Variants in AKAP13 observed in about 807,000 individuals in gnomAD.
AKAP13 encodes the protein A-kinase anchor protein 13.
In AKAP13, 80 loss-of-function variants were observed where a neutral mutation model predicts 264.5. The ratio of observed to expected loss-of-function variants is 0.30; its 90% CI spans 0.25 to 0.36. AKAP13 has a LOEUF of 0.36. Ranked by LOEUF, AKAP13 falls within the 10% of genes least tolerant of loss-of-function variation. AKAP13 has a pLI of 1.00. For synonymous variants in AKAP13, 1,380 were observed against 1,250.2 expected (o/e 1.10, Z -2.19); for missense variants, 3,712 against 3,435.2 (o/e 1.08, Z -2.01).
intron 26 of AKAP13, among the ~76,000 whole-genome samples, chr15:85,723,717 C>A (rs1282695094): frequency 6.6e-6 from 1 of 152,202 alleles, no homozygotes; most frequent in African/African-American, 2.4e-5. Flanking sequence ...GCGAGTTTCA[C>A]AGAATCTGTG....
intron 1 of AKAP13, among the ~76,000 whole-genome samples, chr15:85,407,093 A>G (rs1052018987): frequency 2.0e-4 from 30 of 151,836 alleles, no homozygotes; most frequent in African/African-American, 6.3e-4. Flanking sequence ...ACCAGCCACT[A>G]GGAATGCAAA....
rs1462022085 is a variant in AKAP13, at chr15:85,521,497, G to T, written c.103G>T (p.Val35Leu). The T allele has an allele frequency of 1.2e-6, 2 of 1,614,126 alleles. No individual in the cohort carries two copies. The highest frequency in any genetic ancestry group is 3.3e-5 in the Admixed American group (2 of 60,008). The change falls in exon 3 of 37, where the codon GTA becomes TTA. Residue 35 changes from valine to leucine, a missense_variant. By Grantham distance (32) the Val-to-Leu change is conservative. Transcript: ENST00000394518. ...TGAAGATGATGTAGTGTTTTACTTG[G>T]TATTTTTGGGTTCCACCCTCCGTCA... ...KAEDDVVFYL[V>L]FLGSTLRHCT...
chr15:85,710,529 A>G, intron 18 of AKAP13, 50 bp from the exon 19 acceptor site: 1 of 1,587,318 alleles, frequency 6.3e-7, no homozygotes, highest in South Asian at 1.1e-5. Flanking sequence ...TCGGCTTCTC[A>G]GGGCTTGTCA....
At chr15:85,575,978 C>G (rs2078998071) in intron 6 of AKAP13, among the ~76,000 whole-genome samples, 1 of 152,204 alleles carries the variant, frequency 6.6e-6, no homozygotes, top group African/African-American at 2.4e-5. Context: ...AGAGCAAGAC[C>G]TTGTCTCAAA....
chr15:85,704,098 G>A (rs1296633914), intron 17 of AKAP13, among the ~76,000 whole-genome samples: 1 of 152,130 alleles, frequency 6.6e-6, no homozygotes, highest in Non-Finnish European at 1.5e-5. Context: ...GTGTCCTGGA[G>A]AAGAATCAGG....
At chr15:85,649,013 C>A (rs915529203) in intron 10 of AKAP13, among the ~76,000 whole-genome samples, 1 of 152,046 alleles carries the variant, frequency 6.6e-6, no homozygotes, top group Non-Finnish European at 1.5e-5. Context: ...AGCCTGTGAC[C>A]AGGAGAGGCT....
Position 85,708,134 on chromosome 15 carries a change from C to A in AKAP13, c.5532+48C>A. ...AGGCTTAAAATAAAAGGGTTTAAAC[C>A]AGCAAAATCCTCGGGAGTTGGGAGA... On this transcript the variant is annotated intron_variant, in intron 18 of 36. Transcript: ENST00000394518. The surrounding 1 kb of genome is among the most constrained non-coding windows in gnomAD (Gnocchi z 4.3). 6.4e-7 allele frequency: 1 copy of A among 1,573,712 alleles called. No individual in the cohort carries two copies. The highest frequency in any genetic ancestry group is 1.1e-5 in the South Asian group (1 of 89,098).
chr15:85,465,597 C>T (rs1305235176), intron 1 of AKAP13, among the ~76,000 whole-genome samples: 21 of 147,848 alleles, frequency 1.4e-4, no homozygotes, highest in African/African-American at 3.5e-4. Flanking sequence ...TGAGAACATG[C>T]GGTGTTTGGT....
chr15:85,561,333 C>T (rs1367609160), intron 5 of AKAP13, among the ~76,000 whole-genome samples: 2 of 152,192 alleles, frequency 1.3e-5, no homozygotes, highest in Non-Finnish European at 2.9e-5. Flanking sequence ...GCTGGGATTA[C>T]AGGCGTGAGC....
chr15:85,643,359 T>C (rs1035594743), intron 9 of AKAP13, among the ~76,000 whole-genome samples: 10 of 152,168 alleles, frequency 6.6e-5, no homozygotes, highest in African/African-American at 2.4e-4. Flanking sequence ...AGTAATTTTA[T>C]TGGCAGGGGA....
At chr15:85,547,119 C>T (rs1009319760) in intron 5 of AKAP13, among the ~76,000 whole-genome samples, 1 of 152,188 alleles carries the variant, frequency 6.6e-6, no homozygotes, top group African/African-American at 2.4e-5. Context: ...CACATATAAG[C>T]CGGCCTCTTT....
At chr15:85,459,689 T>C (rs976022497) in intron 1 of AKAP13, among the ~76,000 whole-genome samples, 5 of 152,012 alleles carry the variant, frequency 3.3e-5, no homozygotes, top group Admixed American at 2.0e-4. Flanking sequence ...TTAGTAGAGA[T>C]GGGGTTTCAC....
chr15:85,563,530 A>C (rs536632017), intron 5 of AKAP13, among the ~76,000 whole-genome samples: 6 of 152,110 alleles, frequency 3.9e-5, no homozygotes, highest in African/African-American at 1.4e-4. Flanking sequence ...CTCATAAAAA[A>C]ATTTTTCTCT....
intron 1 of AKAP13, among the ~76,000 whole-genome samples, chr15:85,434,166 A>G (rs2073157692): frequency 6.6e-6 from 1 of 152,052 alleles, no homozygotes; most frequent in Non-Finnish European, 1.5e-5. Flanking sequence ...TGGGAAGTGC[A>G]AGGGGTCAGG....
rs182663957 is a variant in AKAP13 at position 85,723,591 on chromosome 15, G to C, written c.6745+271G>C. Among the ~76,000 whole-genome samples, 3 of 152,170 alleles carry C rather than the reference G, an allele frequency of 2.0e-5. No homozygotes were observed. The East Asian group carries it at 5.8e-4, about 29-fold the overall frequency. ...AGGTTTTAAAAAAACAAAGCAAAGCGTAAGATTGGTGCACATATGCAAGCT... is the reference window on the plus strand; with the variant it reads ...AGGTTTTAAAAAAACAAAGCAAAGCCTAAGATTGGTGCACATATGCAAGCT... On this transcript the variant is annotated intron_variant, in intron 26 of 36. Coordinates refer to ENST00000394518, the MANE Select transcript of AKAP13 (RefSeq NM_007200.5).
intron 17 of AKAP13, among the ~76,000 whole-genome samples, chr15:85,695,296 C>T (rs1422771856): frequency 1.3e-5 from 2 of 152,072 alleles, no homozygotes; most frequent in Non-Finnish European, 2.9e-5. Flanking sequence ...CTCAACTACT[C>T]GGGAGGCTGA....
At chr15:85,440,781 T>G (rs1421654451) in intron 1 of AKAP13, among the ~76,000 whole-genome samples, 1 of 152,344 alleles carries the variant, frequency 6.6e-6, no homozygotes, top group Admixed American at 6.5e-5. Flanking sequence ...GAAGTTTACT[T>G]CTGCCTCTTT....
rs549139000 is a variant in AKAP13, at chr15:85,749,128, A to G, written c.*4451A>G. ...TATGGACATTTGTGTGCTAAATCCT[A>G]TTAAATAAAAAAGACGGGTTAAAAC... On this transcript the variant is annotated 3_prime_UTR_variant, in exon 37 of 37. Transcript: ENST00000394518. 6.6e-5 allele frequency: 10 copies of G among 152,380 alleles called. 1 individual carries two copies. The highest frequency in any genetic ancestry group is 2.2e-4 in the African/African-American group (9 of 41,588). The allele number at this position is 152,380 out of a possible 1,614,324, so 9.4% of individuals were successfully genotyped here. A position where few individuals can be genotyped will look rare whatever the true frequency, so the allele number is the denominator to read the frequency against.
At chr15:85,522,309 C>A (rs991817156) in intron 3 of AKAP13, among the ~76,000 whole-genome samples, 1 of 152,050 alleles carries the variant, frequency 6.6e-6, no homozygotes, top group Non-Finnish European at 1.5e-5. Context: ...TGTTTATATA[C>A]CTGTGTGTGC....
Sources: gnomAD v4.1 joint callset for allele counts (sites outside exome capture counted in the v4.1 genomes callset) on GRCh38, gnomAD v4.1.1 for gene constraint, Gnocchi (gnomAD v3.1) non-coding constraint, MANE v1.5 for transcripts, NCBI Gene and HGNC (gene_info 2026-07-23, HGNC 2026-07-21) for gene names.